Variants in TMEM74 observed in about 807,000 individuals in gnomAD.
TMEM74 encodes transmembrane protein 74.
Under a neutral mutation model 18.1 loss-of-function variants are expected in TMEM74, and 13 were observed. The observed-to-expected ratio is 0.72, with a 90% CI of 0.47 to 1.14. The LOEUF (loss-of-function observed/expected upper bound fraction) is 1.14, where lower values mean the gene tolerates loss of function less well. TMEM74 is among the 50% of genes most tolerant of loss of function. TMEM74 has a pLI of 0.00. For synonymous variants in TMEM74, 159 were observed against 146.6 expected, an observed-to-expected ratio of 1.08 and a Z score of -0.61; for missense variants, 372 against 375.9, an observed-to-expected ratio of 0.99 and a Z score of 0.09.
At chr8:108,787,417 T>C (rs1814406938) in intron 1 of TMEM74, 59 bp downstream of exon 1, 1 of 152,256 alleles carries the variant, frequency 6.6e-6, no homozygotes, top group Non-Finnish European at 1.5e-5. Context: ...TCTGCTAGGC[T>C]CCAGGGCTCT....
chr8:108,751,895 A>G (rs1305723859), intron 1 of TMEM74, among the ~76,000 whole-genome samples: 2 of 152,166 alleles, frequency 1.3e-5, no homozygotes, highest in African/African-American at 4.8e-5. Flanking sequence ...AAGAGCTAGG[A>G]CAATGTTGCT....
At chr8:108,650,087 T>C (rs1372600092) in intron 2 of TMEM74, among the ~76,000 whole-genome samples, 3 of 152,176 alleles carry the variant, frequency 2.0e-5, no homozygotes, top group African/African-American at 7.2e-5. Flanking sequence ...ACCACACTCA[T>C]ACTTCTTATT....
At chr8:108,682,553 T>C (rs1813126403) in intron 1 of TMEM74, among the ~76,000 whole-genome samples, 1 of 152,070 alleles carries the variant, frequency 6.6e-6, no homozygotes, top group Non-Finnish European at 1.5e-5. Context: ...ATCCACAGCA[T>C]ATAGCACAGC....
At chr8:108,610,342 G>GA (rs1812322626) in intron 2 of TMEM74, among the ~76,000 whole-genome samples, 1 of 152,144 alleles carries the variant, frequency 6.6e-6, no homozygotes, top group Non-Finnish European at 1.5e-5. Flanking sequence ...TGGACCTCCA[G>GA]AAATGCATCT....
chr8:108,710,594 GCT>G (rs968931667), intron 1 of TMEM74, among the ~76,000 whole-genome samples: 4 of 152,218 alleles, frequency 2.6e-5, no homozygotes, highest in African/African-American at 9.6e-5. Flanking sequence ...TTATTCAGCA[GCT>G]CTCTCATCAG....
At chr8:108,751,079 G>A (rs554613135) in intron 1 of TMEM74, among the ~76,000 whole-genome samples, 35 of 152,200 alleles carry the variant, frequency 2.3e-4, no homozygotes, top group Middle Eastern at 3.4e-3. Flanking sequence ...CACCGGTAAC[G>A]CGTTCATGGA....
At chr8:108,756,662 A>AAGAAAGAAAG in intron 1 of TMEM74, among the ~76,000 whole-genome samples, 1 of 84,202 alleles carries the variant, frequency 1.2e-5, no homozygotes, top group East Asian at 4.1e-4. Context: ...GAAAGAAAGA[A>AAGAAAGAAAG]AGAAAGAAAG....
rs962805141 is a variant in TMEM74, at chr8:108,781,616, T to C, written c.*2565A>G. 6.6e-6 allele frequency among the ~76,000 whole-genome samples: 1 copy of C among 152,198 alleles called. No homozygotes were observed. Among genetic ancestry groups the C allele is most frequent in the Non-Finnish European group, 1.5e-5 (1 of 68,040 alleles). On this transcript the variant is annotated 3_prime_UTR_variant, in exon 2 of 2. Transcript: ENST00000297459. Reference sequence around the variant, plus strand: ...GTGTAATGGTTTGCCCTCAGATAAGTAGAACCTTAAAAGAGAGGTGCTCTA... The same window carrying C: ...GTGTAATGGTTTGCCCTCAGATAAGCAGAACCTTAAAAGAGAGGTGCTCTA...
chr8:108,634,457 A>T (rs1355597109), intron 2 of TMEM74, among the ~76,000 whole-genome samples: 2 of 151,940 alleles, frequency 1.3e-5, no homozygotes, highest in Non-Finnish European at 1.5e-5. Flanking sequence ...AAAATCCATG[A>T]ATCATTTTGG....
At chr8:108,613,572 A>G (rs1402462928) in intron 2 of TMEM74, among the ~76,000 whole-genome samples, 2 of 152,156 alleles carry the variant, frequency 1.3e-5, no homozygotes, top group East Asian at 3.8e-4. Context: ...CACTTCAGTG[A>G]TTTTACTGTT....
At chr8:108,674,858 C>T (rs988457447) in intron 1 of TMEM74, among the ~76,000 whole-genome samples, 19 of 152,098 alleles carry the variant, frequency 1.2e-4, no homozygotes, top group Non-Finnish European at 2.1e-4. Context: ...GAGGTGGATT[C>T]CAATGTGTAG....
rs549386132 is a variant in TMEM74 at position 108,709,882 on chromosome 8, T to A, written n.120-54445A>T. On this transcript the variant is annotated intron_variant and non_coding_transcript_variant, in intron 1 of 3. Transcript: ENST00000518838. ...TCTTTGTATATCAATCATATTTCAA[T>A]AAAGCTGTTAAACAATAAAACAAAC... Among the ~76,000 whole-genome samples the A allele has an allele frequency of 3.3e-5, 5 of 152,346 alleles. No homozygotes were observed. In the South Asian group the frequency reaches 8.3e-4, roughly 25 times the overall value.
At chr8:108,701,466 G>T (rs1233672267) in intron 1 of TMEM74, among the ~76,000 whole-genome samples, 1 of 152,100 alleles carries the variant, frequency 6.6e-6, no homozygotes, top group African/African-American at 2.4e-5. Flanking sequence ...GTTTACAGAT[G>T]GCATGATTGT....
At chr8:108,642,987 G>A (rs1241241463) in intron 2 of TMEM74, among the ~76,000 whole-genome samples, 4 of 152,082 alleles carry the variant, frequency 2.6e-5, no homozygotes, top group South Asian at 2.1e-4. Context: ...ACATTTATGA[G>A]CACTCACTAT....
At chr8:108,621,214 A>G (rs1414980121) in intron 2 of TMEM74, among the ~76,000 whole-genome samples, 1 of 152,198 alleles carries the variant, frequency 6.6e-6, no homozygotes, top group Non-Finnish European at 1.5e-5. Flanking sequence ...TGAAGAGCCA[A>G]TACATGGTGC....
rs577107135 is a variant in TMEM74 at position 108,707,332 on chromosome 8, A to T, written n.120-51895T>A. 1.8e-3 allele frequency among the ~76,000 whole-genome samples: 101 copies of T among 55,008 alleles called. 3 individuals carry two copies. In the South Asian group the frequency reaches 0.052, roughly 28 times the overall value. 36.1% of individuals were successfully genotyped at this position (55,008 alleles called of 152,430 possible). ...ACATGTACCCTAGAACTTAAACTAT[A>T]AAAAAAAAAAATCCCTTATCCCCAC... On this transcript the variant is annotated intron_variant and non_coding_transcript_variant, in intron 1 of 3. Coordinates refer to the TMEM74 transcript ENST00000518838.
intron 1 of TMEM74, among the ~76,000 whole-genome samples, chr8:108,701,260 G>C (rs781273800): frequency 3.4e-5 from 5 of 148,904 alleles, no homozygotes; most frequent in African/African-American, 4.9e-5. Context: ...ACTTGATAAA[G>C]AACATCTGTA....
At chr8:108,690,126 G>C (rs1441761598) in intron 1 of TMEM74, among the ~76,000 whole-genome samples, 4 of 149,750 alleles carry the variant, frequency 2.7e-5, no homozygotes, top group African/African-American at 7.3e-5. Context: ...TGTATGTAGT[G>C]CTACTCAGTC....
chr8:108,709,574 T>C (rs1813454612), intron 1 of TMEM74, among the ~76,000 whole-genome samples: 1 of 152,154 alleles, frequency 6.6e-6, no homozygotes, highest in African/African-American at 2.4e-5. Flanking sequence ...GTTTCATTTA[T>C]GCTAGGTGAA....
Sources: allele counts gnomAD v4.1 joint callset (sites outside exome capture counted in the v4.1 genomes callset), GRCh38; gene constraint gnomAD v4.1.1; transcripts MANE v1.5; gene names NCBI Gene and HGNC (gene_info 2026-07-23, HGNC 2026-07-21).